Variants in ADAM22 observed in about 807,000 individuals in gnomAD.
ADAM22 encodes disintegrin and metalloproteinase domain-containing protein 22.
ADAM22 carries 65 observed loss-of-function variants against 144.6 expected under a neutral mutation model. That is an observed-to-expected ratio of 0.45 (90% CI 0.37 to 0.55). The LOEUF is 0.55. ADAM22 is among the 20% of genes least tolerant of loss of function. ADAM22 has a pLI of 0.00. For missense variants in ADAM22, 974 were observed against 1,184.9 expected, an observed-to-expected ratio of 0.82 and a Z score of 2.61; for synonymous variants, 391 against 412.6, an observed-to-expected ratio of 0.95 and a Z score of 0.63.
chr7:87,958,586 A>ATCTCT (rs1275683953), intron 2 of ADAM22, among the ~76,000 whole-genome samples: 1 of 151,974 alleles, frequency 6.6e-6, no homozygotes, highest in African/African-American at 2.4e-5. Flanking sequence ...GGGTTTCACC[A>ATCTCT]TGTTGGCCAG....
chr7:88,084,970 G>GCATCC lies in ADAM22; in HGVS notation c.390+9279_390+9283dup, dbSNP rs1818021025. Among the ~76,000 whole-genome samples the GCATCC allele has an allele frequency of 3.3e-5, 5 of 152,238 alleles. No individual in the cohort carries two copies. The South Asian group carries it at 1.0e-3, about 32-fold the overall frequency. ...CATGGCTTTCCCTCTGTGTATATCT[G>GCATCC]CATCCTAATCTCTTCTTGTGAGAAC... On this transcript the variant is annotated intron_variant, in intron 4 of 31. Coordinates refer to ENST00000413139, the MANE Select transcript of ADAM22 (RefSeq NM_001324418.2).
chr7:87,967,807 C>CAAAAAAAAAA (rs35787636), intron 2 of ADAM22, among the ~76,000 whole-genome samples: 2 of 60,952 alleles, frequency 3.3e-5, no homozygotes, highest in African/African-American at 7.3e-5. Context: ...GACTCTGTCT[C>CAAAAAAAAAA]AAAAAAAAAA....
chr7:88,053,644 GAAAGAAAC>G (rs941738933), intron 3 of ADAM22, among the ~76,000 whole-genome samples: 4 of 145,458 alleles, frequency 2.7e-5, no homozygotes, highest in African/African-American at 1.0e-4. Flanking sequence ...AAGAAAGAAA[GAAAGAAAC>G]CAAGTAAAAA....
At chr7:88,137,834 G>T (rs1833397391) in intron 14 of ADAM22, among the ~76,000 whole-genome samples, 1 of 152,108 alleles carries the variant, frequency 6.6e-6, no homozygotes, top group African/African-American at 2.4e-5. Flanking sequence ...AATGATAGAG[G>T]AAATATATAT....
At chr7:87,962,570 T>C (rs112114025) in intron 2 of ADAM22, among the ~76,000 whole-genome samples, 90 of 152,190 alleles carry the variant, frequency 5.9e-4, no homozygotes, top group African/African-American at 2.1e-3. Context: ...TTTTTAATCA[T>C]GTGGCAGAAT....
intron 3 of ADAM22, among the ~76,000 whole-genome samples, chr7:88,039,431 C>A (rs1249127293): frequency 3.4e-5 from 3 of 87,978 alleles, no homozygotes; most frequent in Non-Finnish European, 4.5e-5. Flanking sequence ...AACAGGGCAA[C>A]AGAGCGAGAT....
intron 3 of ADAM22, among the ~76,000 whole-genome samples, chr7:88,059,925 A>C (rs1054738494): frequency 2.0e-5 from 3 of 152,052 alleles, no homozygotes; most frequent in Admixed American, 6.6e-5. Context: ...TATATTTACT[A>C]TTTGGTTGAG....
In ADAM22 at chr7:88,147,000, A is replaced by G. The variant is rs566291424; in HGVS notation, c.1485+1493A>G. ...CGTAACAAGACATCCTGAATTATTT[A>G]TCTTAATCCTCAATGTTTTAAGTCT... On this transcript the variant is annotated intron_variant, in intron 17 of 31. Coordinates refer to ENST00000413139, the MANE Select transcript of ADAM22 (RefSeq NM_001324418.2). Among the ~76,000 whole-genome samples the G allele has an allele frequency of 5.2e-3, 790 of 152,350 alleles. 11 individuals carry two copies. Among genetic ancestry groups the G allele is most frequent in the African/African-American group, 0.018 (747 of 41,586 alleles).
Position 87,934,400 on chromosome 7 carries a change from A to G in ADAM22, c.-66A>G. 6.7e-7 allele frequency: 1 copy of G among 1,494,648 alleles called. No individual in the cohort carries two copies. The highest frequency in any genetic ancestry group is 9.0e-7 in the Non-Finnish European group (1 of 1,113,624). 92.6% of individuals were successfully genotyped at this position (1,494,648 alleles called of 1,614,324 possible). A position where few individuals can be genotyped will look rare whatever the true frequency, so the allele number is the denominator to read the frequency against. On this transcript the variant is annotated 5_prime_UTR_variant, in exon 1 of 32. Transcript: ENST00000413139. ...GACCCCGGGGGCGCGGAGCGAGGGA[A>G]ACGGACTCGGCGGCGCCGGCATGAG...
intron 5 of ADAM22, among the ~76,000 whole-genome samples, chr7:88,113,693 T>C (rs1826725980): frequency 3.4e-5 from 2 of 59,338 alleles, no homozygotes; most frequent in African/African-American, 1.7e-4. Context: ...ATATTATAAA[T>C]AAATAAATAA....
Position 88,120,915 on chromosome 7 carries a change from C to A in ADAM22, c.607+4101C>A, listed in dbSNP as rs561065559. On this transcript the variant is annotated intron_variant, in intron 7 of 31. Coordinates refer to ENST00000413139, the MANE Select transcript of ADAM22 (RefSeq NM_001324418.2). Reference sequence around the variant, plus strand: ...TATTTTTTATGTTTAGATCTAGGATCCTCTTCAAATTACTTTTTGTGCATG... The same window carrying A: ...TATTTTTTATGTTTAGATCTAGGATACTCTTCAAATTACTTTTTGTGCATG... 7.9e-5 allele frequency among the ~76,000 whole-genome samples: 12 copies of A among 152,092 alleles called. No individual in the cohort carries two copies. In the South Asian group the frequency reaches 2.5e-3, roughly 32 times the overall value.
chr7:88,120,141 G>A (rs976227431), intron 7 of ADAM22, among the ~76,000 whole-genome samples: 2 of 151,868 alleles, frequency 1.3e-5, no homozygotes, highest in Admixed American at 1.3e-4. Flanking sequence ...GCTGGTGCTG[G>A]AATCACACTT....
intron 3 of ADAM22, among the ~76,000 whole-genome samples, chr7:88,006,908 T>G (rs7384079): frequency 7.4e-6 from 1 of 135,540 alleles, no homozygotes; most frequent in African/African-American, 2.7e-5. Context: ...CCAGGGCAAT[T>G]AGGCAGGAGA....
rs117661479 is a variant in ADAM22, at chr7:88,094,351, A to G, written c.391-13825A>G. On this transcript the variant is annotated intron_variant, in intron 4 of 31. Coordinates refer to ENST00000413139, the MANE Select transcript of ADAM22 (RefSeq NM_001324418.2). Reference sequence around the variant, plus strand: ...TAACAGGTGAATGAAATGGGAGCAGAACAACTTTTCAGGTAGTCAAATCAG... The same window carrying G: ...TAACAGGTGAATGAAATGGGAGCAGGACAACTTTTCAGGTAGTCAAATCAG... Among the ~76,000 whole-genome samples, 1,391 of 152,340 alleles carry G rather than the reference A, an allele frequency of 9.1e-3. 21 individuals carry two copies. Among genetic ancestry groups the G allele is most frequent in the Non-Finnish European group, 9.5e-3 (643 of 68,028 alleles).
chr7:88,190,535 C>A (rs1026633874), intron 30 of ADAM22, among the ~76,000 whole-genome samples: 3 of 151,828 alleles, frequency 2.0e-5, no homozygotes, highest in Non-Finnish European at 2.9e-5. Flanking sequence ...GACTCCATCT[C>A]AAAAAATAAA....
intron 4 of ADAM22, among the ~76,000 whole-genome samples, chr7:88,099,014 AGGT>A (rs1822200603): frequency 6.6e-6 from 1 of 152,192 alleles, no homozygotes; most frequent in African/African-American, 2.4e-5. Context: ...TAATACCCAA[AGGT>A]GTTAACCAGT....
chr7:87,955,231 T>C (rs1173902866), intron 2 of ADAM22, among the ~76,000 whole-genome samples: 1 of 152,194 alleles, frequency 6.6e-6, no homozygotes, highest in Non-Finnish European at 1.5e-5. Flanking sequence ...GAGTTTCCAT[T>C]TTTCTGCTCT....
intron 29 of ADAM22, chr7:88,184,314 C>T (rs924509673): frequency 1.2e-5 from 5 of 430,012 alleles, no homozygotes; most frequent in Non-Finnish European, 2.3e-5. Flanking sequence ...AGCACCTGAG[C>T]CTGGGCACTC....
At position 88,196,570 on chromosome 7, in the gene ADAM22, A is replaced by G; in HGVS notation, c.*79A>G. ...AAACCCAGGCTCATGGAATCACTGC[A>G]AATCTATCTGCTCTTCAGACAATAC... On this transcript the variant is annotated 3_prime_UTR_variant, in exon 32 of 32. Coordinates refer to ENST00000413139, the MANE Select transcript of ADAM22 (RefSeq NM_001324418.2). 5 of 1,455,346 alleles carry G rather than the reference A, an allele frequency of 3.4e-6. No homozygotes were observed. Among genetic ancestry groups the G allele is most frequent in the Non-Finnish European group, 3.9e-6 (4 of 1,037,600 alleles). The allele number at this position is 1,455,346 out of a possible 1,614,324, so 90.2% of individuals were successfully genotyped here.
Sources: gnomAD v4.1 joint callset for allele counts (sites outside exome capture counted in the v4.1 genomes callset) on GRCh38, gnomAD v4.1.1 for gene constraint, MANE v1.5 for transcripts, NCBI Gene and HGNC (gene_info 2026-07-23, HGNC 2026-07-21) for gene names.